WDR7: variants seen among roughly 807,000 people sequenced by gnomAD.
WDR7 encodes the protein WD repeat domain 7.
Under a neutral mutation model 169.4 loss-of-function variants are expected in WDR7, and 46 were observed. That is an observed-to-expected ratio of 0.27 (90% confidence interval 0.21 to 0.35). The LOEUF is 0.35. Among genes scored for constraint, WDR7 ranks in the 10% least tolerant of loss-of-function variants. The pLI is 1.00. For synonymous variants in WDR7, 612 were observed against 666.8 expected (o/e 0.92, Z 1.27); for missense variants, 1,534 against 1,859.3 (o/e 0.83, Z 3.22).
chr18:56,937,100 C>G (rs1400254856), intron 23 of WDR7, among the ~76,000 whole-genome samples: 1 of 152,108 alleles, frequency 6.6e-6, no homozygotes, highest in Non-Finnish European at 1.5e-5. Flanking sequence ...TTTCAAACTT[C>G]ATTTGCACCA....
At chr18:56,691,476 A>G in intron 8 of WDR7, 115 bp downstream of exon 8, 1 of 1,189,634 alleles carries the variant, frequency 8.4e-7, no homozygotes, top group Non-Finnish European at 1.1e-6. Context: ...TTGATAAAAC[A>G]CTTCAGAACT....
At chr18:56,908,044 G>C (rs1348918389) in intron 21 of WDR7, among the ~76,000 whole-genome samples, 1 of 152,074 alleles carries the variant, frequency 6.6e-6, no homozygotes, top group Non-Finnish European at 1.5e-5. Flanking sequence ...CTATAATATA[G>C]TTCTATAAAC....
chr18:56,988,634 TG>T, intron 26 of WDR7, among the ~76,000 whole-genome samples: 1 of 140,758 alleles, frequency 7.1e-6, no homozygotes, highest in East Asian at 2.0e-4. Context: ...TGTGTGTGTG[TG>T]TATAGAGTCG....
At chr18:56,819,564 C>A (rs148269364) in intron 20 of WDR7, among the ~76,000 whole-genome samples, 20 of 152,020 alleles carry the variant, frequency 1.3e-4, no homozygotes, top group African/African-American at 4.8e-4. Flanking sequence ...GCCCTCTTGG[C>A]GGATTAATGT....
At chr18:56,841,047 G>A (rs1007614812) in intron 20 of WDR7, among the ~76,000 whole-genome samples, 5 of 151,708 alleles carry the variant, frequency 3.3e-5, no homozygotes, top group Non-Finnish European at 7.4e-5. Context: ...AAAAAAATTA[G>A]CTAGGCTTGG....
chr18:56,894,059 C>T (rs1056874101), intron 21 of WDR7, among the ~76,000 whole-genome samples: 1 of 152,000 alleles, frequency 6.6e-6, no homozygotes, highest in Non-Finnish European at 1.5e-5. Flanking sequence ...TCCTCTTTTT[C>T]TCTGACATAA....
rs189124709 is a variant in WDR7 at position 56,753,946 on chromosome 18, A to G, written c.1990-2637A>G. ...ATATATATTGATTATATGATTATATACAATCTAAGAAATATATAGCAATAC... is the reference window on the plus strand; with the variant it reads ...ATATATATTGATTATATGATTATATGCAATCTAAGAAATATATAGCAATAC... On this transcript the variant is annotated intron_variant, in intron 14 of 27. Transcript: ENST00000254442. Among the ~76,000 whole-genome samples the G allele has an allele frequency of 4.0e-3, 615 of 152,076 alleles. 1 individual carries two copies. The highest frequency in any genetic ancestry group is 6.0e-3 in the Non-Finnish European group (407 of 67,978).
At chr18:56,910,094 T>C (rs1308711247) in intron 21 of WDR7, among the ~76,000 whole-genome samples, 1 of 152,180 alleles carries the variant, frequency 6.6e-6, no homozygotes, top group African/African-American at 2.4e-5. Context: ...AATTTCTTCC[T>C]TCAAACTTAC....
At chr18:56,655,618 CAAAAAA>C (rs56899358) in intron 1 of WDR7, among the ~76,000 whole-genome samples, 124 of 133,860 alleles carry the variant, frequency 9.3e-4, no homozygotes, top group South Asian at 2.3e-3. Flanking sequence ...GACCCTGTCT[CAAAAAA>C]AAAAAAAAAA....
intron 25 of WDR7, among the ~76,000 whole-genome samples, chr18:56,953,299 T>C (rs1362758220): frequency 6.6e-6 from 1 of 152,238 alleles, no homozygotes; most frequent in Non-Finnish European, 1.5e-5. Context: ...TTAATGTTGA[T>C]ATTTATAACA....
chr18:56,860,885 C>T (rs1234835183), intron 20 of WDR7, among the ~76,000 whole-genome samples: 2 of 151,104 alleles, frequency 1.3e-5, no homozygotes, highest in Non-Finnish European at 2.9e-5. Flanking sequence ...TGAAGGAGTA[C>T]ATGTGTTCTA....
At chr18:56,833,268 T>C (rs904134179) in intron 20 of WDR7, among the ~76,000 whole-genome samples, 8 of 151,668 alleles carry the variant, frequency 5.3e-5, no homozygotes, top group Non-Finnish European at 1.0e-4. Flanking sequence ...ATGAAATAAA[T>C]TGTGAAGGCA....
intron 20 of WDR7, among the ~76,000 whole-genome samples, chr18:56,839,694 A>G (rs1330734638): frequency 1.3e-5 from 2 of 152,168 alleles, no homozygotes; most frequent in African/African-American, 4.8e-5. Context: ...TATGGCTTAT[A>G]ATTAGATGTA....
At chr18:56,927,763 A>T (rs570438459) in intron 22 of WDR7, among the ~76,000 whole-genome samples, 20 of 152,360 alleles carry the variant, frequency 1.3e-4, no homozygotes, top group African/African-American at 4.1e-4. Context: ...TTAATCAAGC[A>T]TATTGTATAA....
At chr18:56,926,514 TTTTG>T (rs2046811398) in intron 22 of WDR7, among the ~76,000 whole-genome samples, 1 of 152,182 alleles carries the variant, frequency 6.6e-6, no homozygotes, top group African/African-American at 2.4e-5. Context: ...GTATTTAATA[TTTTG>T]TTTGATTTTG....
At chr18:56,672,369 T>A in intron 1 of WDR7, 128 bp from the exon 2 acceptor site, 17 of 573,136 alleles carry the variant, frequency 3.0e-5, no homozygotes, top group Admixed American at 4.4e-5. Context: ...ATAATAAATA[T>A]TTAAGTAGCT....
intron 25 of WDR7, among the ~76,000 whole-genome samples, chr18:56,958,999 G>A (rs1438859854): frequency 1.3e-5 from 2 of 152,122 alleles, no homozygotes; most frequent in East Asian, 3.8e-4. Flanking sequence ...TATCTCAATA[G>A]TGATGGACAT....
intron 21 of WDR7, among the ~76,000 whole-genome samples, chr18:56,918,513 ATT>A (rs1485368241): frequency 6.6e-6 from 1 of 152,140 alleles, no homozygotes; most frequent in African/African-American, 2.4e-5. Flanking sequence ...CAATTTTTTT[ATT>A]TTGTTTTTTA....
In WDR7 at chr18:56,756,930, A is replaced by T. The variant is rs1270363087; in HGVS notation, c.2337A>T (p.Glu779Asp). 6.2e-7 allele frequency: 1 copy of T among 1,614,136 alleles called. No individual in the cohort carries two copies. Among genetic ancestry groups the T allele is most frequent in the South Asian group, 1.1e-5 (1 of 91,068 alleles). Reference sequence around the variant, plus strand: ...AGAGAAGGGAAGAAAGTGATCCTGAATATCGGTCCAGCAAATCAAAGCCAT... The same window carrying T: ...AGAGAAGGGAAGAAAGTGATCCTGATTATCGGTCCAGCAAATCAAAGCCAT... ...MRQRREESDPEYRSSKSKPLT... is the reference protein window; with the variant it reads ...MRQRREESDPDYRSSKSKPLT... Residue 779 changes from glutamate (E) to aspartate (D), a missense_variant, in exon 15 of 28, where the codon GAA (glutamate) becomes GAT (aspartate). Glu to Asp is a conservative substitution (Grantham distance 45). Transcript: ENST00000254442.
Sources: gnomAD v4.1 joint callset for allele counts (sites outside exome capture counted in the v4.1 genomes callset) on GRCh38, gnomAD v4.1.1 for gene constraint, MANE v1.5 for transcripts, NCBI Gene and HGNC (gene_info 2026-07-23, HGNC 2026-07-21) for gene names.